SCFD1: variants seen among roughly 807,000 people sequenced by gnomAD.
The protein encoded by SCFD1 is sec1 family domain containing 1.
A neutral mutation model predicts 103.2 loss-of-function variants in SCFD1; 37 were observed. The observed-to-expected ratio is 0.36, with a 90% CI of 0.28 to 0.47. SCFD1 has a LOEUF of 0.47. SCFD1 is among the 20% of genes least tolerant of loss of function. SCFD1 has a pLI of 1.00. For synonymous variants in SCFD1, 264 were observed against 245.0 expected (o/e 1.08, Z -0.73); for missense variants, 639 against 761.2 (o/e 0.84, Z 1.89).
intron 10 of SCFD1, among the ~76,000 whole-genome samples, chr14:30,664,412 C>G (rs941144641): frequency 6.6e-6 from 1 of 152,034 alleles, no homozygotes; most frequent in Non-Finnish European, 1.5e-5. Flanking sequence ...CATCAAAGAC[C>G]AAAGGTAGAT....
chr14:30,694,931 T>A, intron 15 of SCFD1, 62 bp downstream of exon 15: 1 of 1,539,216 alleles, frequency 6.5e-7, no homozygotes, highest in Admixed American at 2.3e-5. Context: ...GCATTTTCAA[T>A]TGAGTAAACT....
At chr14:30,716,042 G>T in intron 20 of SCFD1, 65 bp downstream of exon 20, 1 of 895,228 alleles carries the variant, frequency 1.1e-6, no homozygotes. Context: ...GTATGAAAGA[G>T]GATAAAATCA....
chr14:30,630,444 C>A, intron 2 of SCFD1, 33 bp from the exon 3 acceptor site: 2 of 1,240,500 alleles, frequency 1.6e-6, no homozygotes, highest in Non-Finnish European at 2.4e-6. Context: ...TGGTTGTTCA[C>A]TGATAATGAT....
chr14:30,715,538 T>C (rs1336799223), intron 19 of SCFD1: 1 of 148,118 alleles, frequency 6.8e-6, no homozygotes, highest in Non-Finnish European at 1.4e-5. Context: ...GCCACTGCAC[T>C]CCAGCCTGGG....
rs1453366893 is a variant in SCFD1 at position 30,680,583 on chromosome 14, C to G, written c.1242+5518C>G. On this transcript the variant is annotated intron_variant, in intron 14 of 24. Transcript: ENST00000458591. ...TAAAATTCAGTGAGAATGGTTTGCT[C>G]TTTTGTAATCCCTTTGGAGTAACCA... Among the ~76,000 whole-genome samples the G allele has an allele frequency of 2.0e-5, 3 of 152,138 alleles. No homozygotes were observed. The East Asian group carries it at 5.8e-4, about 29-fold the overall frequency.
chr14:30,724,332 G>A lies in SCFD1; in HGVS notation c.1836+1773G>A, dbSNP rs146339989. Reference sequence around the variant, plus strand: ...CAGTGGTGCCATCTCGGCTCACAGCGACGTCTGCCTCCCAGATTCAAGCGA... The same window carrying A: ...CAGTGGTGCCATCTCGGCTCACAGCAACGTCTGCCTCCCAGATTCAAGCGA... On this transcript the variant is annotated intron_variant, in intron 23 of 24. Coordinates refer to ENST00000458591, the MANE Select transcript of SCFD1 (RefSeq NM_016106.4). 6.6e-5 allele frequency among the ~76,000 whole-genome samples: 9 copies of A among 135,946 alleles called. 1 individual carries two copies. The highest frequency in any genetic ancestry group is 2.5e-4 in the South Asian group (1 of 4,006). 89.2% of individuals were successfully genotyped at this position (135,946 alleles called of 152,430 possible).
chr14:30,640,603 A>G lies in SCFD1; in HGVS notation c.523+739A>G, dbSNP rs546190299. ...AAATTCTCCTAATCAGTCCCCTTTA[A>G]CAAGTTTAATCAGAAAAATTGGTGT... On this transcript the variant is annotated intron_variant, in intron 6 of 24. Coordinates refer to ENST00000458591, the MANE Select transcript of SCFD1 (RefSeq NM_016106.4). Among the ~76,000 whole-genome samples the G allele has an allele frequency of 4.6e-5, 7 of 152,232 alleles. No individual in the cohort carries two copies. In the East Asian group the frequency reaches 1.3e-3, roughly 29 times the overall value.
At chr14:30,684,102 G>C (rs1052889698) in intron 14 of SCFD1, among the ~76,000 whole-genome samples, 5 of 152,212 alleles carry the variant, frequency 3.3e-5, no homozygotes, top group Non-Finnish European at 5.9e-5. Flanking sequence ...AATTTCTTTT[G>C]TGTCCTTTCT....
intron 11 of SCFD1, among the ~76,000 whole-genome samples, 189 bp from the exon 12 acceptor site, chr14:30,673,066 TTA>T (rs1888701494): frequency 6.6e-6 from 1 of 152,136 alleles, no homozygotes; most frequent in Admixed American, 6.6e-5. Context: ...AGAAATAGTA[TTA>T]TATAGATATC....
chr14:30,683,707 C>T (rs551356330), intron 14 of SCFD1: 1 of 173,170 alleles, frequency 5.8e-6, no homozygotes, highest in African/African-American at 2.4e-5. Flanking sequence ...CTCACAAACC[C>T]TATCTAATTC....
At chr14:30,622,542 T>C in intron 1 of SCFD1, 143 bp downstream of exon 1, 1 of 1,379,298 alleles carries the variant, frequency 7.3e-7, no homozygotes, top group South Asian at 1.7e-5. Flanking sequence ...TTTGAGTTTT[T>C]GGGGAGAAGT....
intron 6 of SCFD1, among the ~76,000 whole-genome samples, chr14:30,642,399 T>C (rs1057432522): frequency 2.6e-5 from 4 of 152,148 alleles, no homozygotes; most frequent in African/African-American, 9.7e-5. Flanking sequence ...CTCAAAATTA[T>C]AGGTTTTTTA....
chr14:30,733,176 A>G (rs1315090123), intron 23 of SCFD1, among the ~76,000 whole-genome samples: 5 of 151,802 alleles, frequency 3.3e-5, no homozygotes, highest in Non-Finnish European at 7.4e-5. Flanking sequence ...CACCTGGCTA[A>G]TTTTTGTATT....
At chr14:30,708,391 T>G (rs970875847) in intron 19 of SCFD1, among the ~76,000 whole-genome samples, 4 of 152,142 alleles carry the variant, frequency 2.6e-5, no homozygotes. Context: ...TGTCCATGTG[T>G]TCTCATTGTT....
chr14:30,714,363 A>G (rs1213201623), intron 19 of SCFD1, among the ~76,000 whole-genome samples: 1 of 149,800 alleles, frequency 6.7e-6, no homozygotes, highest in African/African-American at 2.4e-5. Flanking sequence ...TCCGTCTCAA[A>G]AAAAAAAAAA....
intron 11 of SCFD1, among the ~76,000 whole-genome samples, chr14:30,672,953 T>C (rs1203912799): frequency 6.6e-6 from 1 of 152,232 alleles, no homozygotes; most frequent in East Asian, 1.9e-4. Context: ...GTAAATATTT[T>C]ACTTTTTCTT....
chr14:30,644,092 A>G (rs1885565348), intron 7 of SCFD1: 1 of 415,308 alleles, frequency 2.4e-6, no homozygotes, highest in African/African-American at 2.1e-5. Context: ...AAGTGAGAAC[A>G]TAGGGTGTTT....
At chr14:30,659,312 G>T (rs1470326276) in intron 10 of SCFD1, among the ~76,000 whole-genome samples, 1 of 151,512 alleles carries the variant, frequency 6.6e-6, no homozygotes, top group Non-Finnish European at 1.5e-5. Context: ...ATAGGATCAT[G>T]TAATCAATTA....
intron 10 of SCFD1, among the ~76,000 whole-genome samples, chr14:30,666,215 A>AC (rs1401655492): frequency 1.3e-5 from 2 of 152,248 alleles, no homozygotes; most frequent in Middle Eastern, 3.2e-3. Context: ...CTCTCAGACC[A>AC]CAGTGCAATC....
Sources: gnomAD v4.1 joint callset for allele counts (sites outside exome capture counted in the v4.1 genomes callset) on GRCh38, gnomAD v4.1.1 for gene constraint, MANE v1.5 for transcripts, NCBI Gene and HGNC (gene_info 2026-07-23, HGNC 2026-07-21) for gene names.